The following SGCZ variants were observed in gnomAD, a reference collection of about 807,000 sequenced individuals.
The protein encoded by SGCZ is sarcoglycan zeta, also known as zeta-sarcoglycan.
Under a neutral mutation model 41.3 loss-of-function variants are expected in SGCZ, and 40 were observed. The ratio of observed to expected loss-of-function variants is 0.97; its 90% confidence interval spans 0.75 to 1.26. The LOEUF is 1.26. Ranked by LOEUF, SGCZ falls within the 50% of genes most tolerant of loss-of-function variation. The pLI, the probability that SGCZ is intolerant of heterozygous loss-of-function variation, is 0.00. For missense variants in SGCZ, 552 were observed against 369.8 expected (o/e 1.49, Z -4.04); for synonymous variants, 206 against 137.5 (o/e 1.50, Z -3.49).
At chr8:14,464,668 CT>C (rs1800998444) in intron 2 of SGCZ, among the ~76,000 whole-genome samples, 1 of 151,274 alleles carries the variant, frequency 6.6e-6, no homozygotes, top group Non-Finnish European at 1.5e-5. Context: ...TTTTATCATT[CT>C]TTAAGTTATA....
intron 2 of SGCZ, among the ~76,000 whole-genome samples, chr8:14,491,439 T>A (rs541168286): frequency 6.6e-6 from 1 of 152,332 alleles, no homozygotes; most frequent in South Asian, 2.1e-4. Context: ...ATTTGAGTGC[T>A]AAGCTGTCTA....
rs1807478119 is a variant in SGCZ, at chr8:14,653,866, TA to T, written c.40-98941del. ...GATTTTCAGAGAATGAAACTTCTCA[TA>T]GAATCATAATCCTTTTTTTGAAAGC... On this transcript the variant is annotated intron_variant, in intron 1 of 7. Coordinates refer to ENST00000382080, the MANE Select transcript of SGCZ (RefSeq NM_139167.4). Among the ~76,000 whole-genome samples, 3 of 152,278 alleles carry T rather than the reference TA, an allele frequency of 2.0e-5. No individual in the cohort carries two copies. In the South Asian group the frequency reaches 6.2e-4, roughly 32 times the overall value.
At chr8:14,317,698 G>T (rs992843841) in intron 3 of SGCZ, among the ~76,000 whole-genome samples, 3 of 151,902 alleles carry the variant, frequency 2.0e-5, no homozygotes, top group African/African-American at 7.2e-5. Context: ...AGAAGAGCCA[G>T]GCTCCTAGAT....
intron 5 of SGCZ, among the ~76,000 whole-genome samples, chr8:14,143,233 T>A (rs1370105222): frequency 6.6e-6 from 1 of 152,168 alleles, no homozygotes; most frequent in Admixed American, 6.5e-5. Context: ...AAAGACTGGA[T>A]GAGTTCTCTC....
At chr8:14,639,429 G>C (rs1039545355) in intron 1 of SGCZ, among the ~76,000 whole-genome samples, 13 of 151,610 alleles carry the variant, frequency 8.6e-5, no homozygotes, top group Non-Finnish European at 1.9e-4. Context: ...AAGAGGGATA[G>C]ATTACTTCAT....
chr8:14,540,054 A>C (rs1164720193), intron 2 of SGCZ, among the ~76,000 whole-genome samples: 4 of 151,904 alleles, frequency 2.6e-5, no homozygotes, highest in Non-Finnish European at 5.9e-5. Flanking sequence ...AAGAATTTAA[A>C]ATTCAAGGGA....
At chr8:14,365,152 G>A (rs1186826624) in intron 2 of SGCZ, among the ~76,000 whole-genome samples, 1 of 151,910 alleles carries the variant, frequency 6.6e-6, no homozygotes, top group Admixed American at 6.6e-5. Flanking sequence ...TTAGATTACA[G>A]GGTACATCCC....
At chr8:14,651,904 G>GA (rs902091100) in intron 1 of SGCZ, among the ~76,000 whole-genome samples, 6 of 151,016 alleles carry the variant, frequency 4.0e-5, no homozygotes, top group African/African-American at 1.2e-4. Flanking sequence ...TGTTCTGGGG[G>GA]AAAAAAAGTA....
chr8:14,226,939 G>C (rs1287180928), intron 4 of SGCZ, among the ~76,000 whole-genome samples: 1 of 152,060 alleles, frequency 6.6e-6, no homozygotes, highest in Non-Finnish European at 1.5e-5. Context: ...GTGAAAACAG[G>C]TATGGTCAAT....
At chr8:14,401,330 A>T (rs1050115463) in intron 2 of SGCZ, among the ~76,000 whole-genome samples, 1 of 151,686 alleles carries the variant, frequency 6.6e-6, no homozygotes, top group Non-Finnish European at 1.5e-5. Flanking sequence ...GTACATGTGC[A>T]CATTGTGCAG....
chr8:14,260,742 A>G (rs1799632836), intron 3 of SGCZ, among the ~76,000 whole-genome samples: 1 of 152,360 alleles, frequency 6.6e-6, no homozygotes, highest in South Asian at 2.1e-4. Flanking sequence ...TGTGGCACAT[A>G]TACACCATGG....
intron 1 of SGCZ, among the ~76,000 whole-genome samples, chr8:15,007,388 C>G (rs553660039): frequency 2.0e-5 from 3 of 152,274 alleles, no homozygotes; most frequent in Non-Finnish European, 4.4e-5. Context: ...GTTAAAAACT[C>G]TTGAATTCAG....
At chr8:14,450,795 G>A (rs1288500641) in intron 2 of SGCZ, among the ~76,000 whole-genome samples, 1 of 152,132 alleles carries the variant, frequency 6.6e-6, no homozygotes, top group East Asian at 1.9e-4. Flanking sequence ...GGAGAGCTCT[G>A]AAGTACACAC....
intron 1 of SGCZ, among the ~76,000 whole-genome samples, chr8:14,753,059 A>G (rs766204925): frequency 1.3e-5 from 2 of 152,130 alleles, no homozygotes; most frequent in African/African-American, 2.4e-5. Flanking sequence ...CCCATACTGT[A>G]ATTGGACAGT....
At chr8:14,890,296 G>C (rs894149036) in intron 1 of SGCZ, among the ~76,000 whole-genome samples, 8 of 151,828 alleles carry the variant, frequency 5.3e-5, no homozygotes, top group African/African-American at 1.9e-4. Flanking sequence ...AGGAAGGAAA[G>C]AAACGAAAGA....
rs188973918 is a variant in SGCZ at position 14,627,125 on chromosome 8, G to A, written c.40-72199C>T. ...ACTGATTTACATTATGATACAAATT[G>A]TTAATACATTTACTAGTAAAATATG... On this transcript the variant is annotated intron_variant, in intron 1 of 7. Coordinates refer to ENST00000382080, the MANE Select transcript of SGCZ (RefSeq NM_139167.4). Among the ~76,000 whole-genome samples the A allele has an allele frequency of 4.6e-5, 7 of 152,142 alleles. No individual in the cohort carries two copies. In the East Asian group the frequency reaches 1.4e-3, roughly 29 times the overall value.
chr8:14,529,539 C>T (rs566007252), intron 2 of SGCZ, among the ~76,000 whole-genome samples: 1 of 152,268 alleles, frequency 6.6e-6, no homozygotes, highest in South Asian at 2.1e-4. Flanking sequence ...CATTAGCCCT[C>T]ATCTAGGATT....
intron 1 of SGCZ, among the ~76,000 whole-genome samples, chr8:15,202,274 G>C (rs1317397923): frequency 6.6e-6 from 1 of 152,146 alleles, no homozygotes. Context: ...AGTGAATAAA[G>C]AAAATGTGGT....
At chr8:14,282,314 C>T (rs1446088863) in intron 3 of SGCZ, among the ~76,000 whole-genome samples, 1 of 151,234 alleles carries the variant, frequency 6.6e-6, no homozygotes, top group South Asian at 2.1e-4. Flanking sequence ...TCACTCCACA[C>T]TCACATTACC....
Sources: allele counts gnomAD v4.1 joint callset (sites outside exome capture counted in the v4.1 genomes callset), GRCh38; gene constraint gnomAD v4.1.1; transcripts MANE v1.5; gene names NCBI Gene and HGNC (gene_info 2026-07-23, HGNC 2026-07-21).